GLYATL1: variants seen among roughly 807,000 people sequenced by gnomAD.
GLYATL1 encodes the protein glycine-N-acyltransferase like 1, also known as glycine N-acyltransferase-like protein 1.
GLYATL1 carries 15 observed loss-of-function variants against 20.0 expected under a neutral mutation model. That is an observed-to-expected ratio of 0.75 (90% CI 0.50 to 1.15). The LOEUF (loss-of-function observed/expected upper bound fraction) is 1.15, where lower values mean the gene tolerates loss of function less well. Among genes scored for constraint, GLYATL1 ranks in the 50% most tolerant of loss-of-function variants. The pLI, the probability that GLYATL1 is intolerant of heterozygous loss-of-function variation, is 0.00. For synonymous variants in GLYATL1, 151 were observed against 131.5 expected, an observed-to-expected ratio of 1.15 and a Z score of -1.01; for missense variants, 380 against 368.5, an observed-to-expected ratio of 1.03 and a Z score of -0.26.
At chr11:58,913,424 C>A (rs973639950), downstream of GLYATL1, among the ~76,000 whole-genome samples, 2 of 152,170 alleles carry the variant, frequency 1.3e-5, no homozygotes, top group African/African-American at 4.8e-5. Context: ...AAAACCCAAG[C>A]ACTTTAACAC....
upstream of GLYATL1, among the ~76,000 whole-genome samples, chr11:58,935,922 T>C (rs1170179389): frequency 2.0e-5 from 3 of 152,182 alleles, no homozygotes; most frequent in Admixed American, 1.3e-4. Context: ...GTATGTCAAT[T>C]ATACCTCCAT....
chr11:58,907,916 A>G (rs1442699320), exon 2 of GLYATL1: 2 of 153,176 alleles, frequency 1.3e-5, no homozygotes, highest in Admixed American at 6.5e-5. Context: ...TGAATTATGA[A>G]GTTTTCTAGT....
At chr11:58,907,360 G>C (rs758739520) in exon 2 of GLYATL1, 1 of 456,274 alleles carries the variant, frequency 2.2e-6, no homozygotes, top group South Asian at 1.5e-5. Context: ...CACTGGCCTG[G>C]AATCCCTCAC....
In GLYATL1 at chr11:58,955,662, G is replaced by A. The variant is rs1163337401; in HGVS notation, c.544G>A (p.Val182Ile). 5 of 1,614,064 alleles carry A rather than the reference G, an allele frequency of 3.1e-6. No individual in the cohort carries two copies. ...AQLDVSYSGLVNDNWKRGKNE... is the reference protein window; with the variant it reads ...AQLDVSYSGLINDNWKRGKNE... ...GCTGGATGTCTCTTATTCTGGGCTG[G>A]TAAATGACAACTGGAAGCGAGGGAA... Residue 182 changes from valine (V) to isoleucine (I), a missense_variant, in exon 7 of 7, where the codon GTA becomes ATA. Coordinates refer to ENST00000532726, the MANE Select transcript of GLYATL1 (RefSeq NM_001389712.2).
At chr11:58,937,779 T>G (rs1252949023), upstream of GLYATL1, among the ~76,000 whole-genome samples, 4 of 152,188 alleles carry the variant, frequency 2.6e-5, no homozygotes, top group African/African-American at 4.8e-5. Flanking sequence ...CTATCAGATG[T>G]CTTCCAACGA....
chr11:58,933,300 C>T (rs995111824), intron 1 of GLYATL1, among the ~76,000 whole-genome samples: 9 of 152,028 alleles, frequency 5.9e-5, no homozygotes, highest in Admixed American at 2.0e-4. Flanking sequence ...CATGAGGTGA[C>T]GGGAGAGCAT....
At chr11:58,918,712 C>T (rs138929487) in intron 1 of GLYATL1, among the ~76,000 whole-genome samples, 57 of 152,306 alleles carry the variant, frequency 3.7e-4, no homozygotes, top group Non-Finnish European at 1.0e-4. Flanking sequence ...TTTCTGGCCA[C>T]ATTTACTCAT....
At chr11:58,950,464 C>T (rs1351664187) in intron 4 of GLYATL1, among the ~76,000 whole-genome samples, 1 of 152,182 alleles carries the variant, frequency 6.6e-6, no homozygotes, top group East Asian at 1.9e-4. Flanking sequence ...GCTATTTAGT[C>T]AATCATTCTC....
intron 1 of GLYATL1, among the ~76,000 whole-genome samples, chr11:58,915,782 C>A (rs76016902): frequency 0.023 from 3,428 of 152,282 alleles, 118 homozygotes; most frequent in African/African-American, 0.078. Context: ...CCTGCTGGAA[C>A]TGGGCATCCG....
intron 4 of GLYATL1, among the ~76,000 whole-genome samples, chr11:58,948,486 C>G (rs1480700003): frequency 6.6e-6 from 1 of 151,946 alleles, no homozygotes; most frequent in East Asian, 1.9e-4. Flanking sequence ...AGAAAATAAA[C>G]AAAATTAGCA....
At chr11:58,953,393 T>C (rs938961708) in intron 4 of GLYATL1, among the ~76,000 whole-genome samples, 6 of 150,306 alleles carry the variant, frequency 4.0e-5, no homozygotes, top group Non-Finnish European at 5.9e-5. Flanking sequence ...ACAGTCTGTT[T>C]TTTTTTTTTT....
At chr11:58,955,481 C>T in intron 6 of GLYATL1, 128 bp downstream of exon 6, 1 of 1,377,568 alleles carries the variant, frequency 7.3e-7, no homozygotes, top group Non-Finnish European at 9.9e-7. Flanking sequence ...TGTCAAAGTT[C>T]AAGATCCAAA....
chr11:58,950,438 A>G (rs997331526), intron 4 of GLYATL1, among the ~76,000 whole-genome samples: 1 of 152,244 alleles, frequency 6.6e-6, no homozygotes, highest in African/African-American at 2.4e-5. Context: ...GCGGCATTTC[A>G]TAGAGTCAAT....
At chr11:58,926,734 T>C (rs1855437910), upstream of GLYATL1, among the ~76,000 whole-genome samples, 1 of 152,240 alleles carries the variant, frequency 6.6e-6, no homozygotes, top group Non-Finnish European at 1.5e-5. Flanking sequence ...GATGGCAAGC[T>C]GAAATAAATA....
chr11:58,943,906 C>T (rs1395257601), intron 2 of GLYATL1, among the ~76,000 whole-genome samples: 1 of 151,604 alleles, frequency 6.6e-6, no homozygotes, highest in Non-Finnish European at 1.5e-5. Flanking sequence ...TAAAATTTGG[C>T]TTTTGAAAAT....
At chr11:58,918,375 T>C (rs1241209025) in intron 1 of GLYATL1, among the ~76,000 whole-genome samples, 1 of 152,250 alleles carries the variant, frequency 6.6e-6, no homozygotes, top group Admixed American at 6.5e-5. Context: ...TTTCCCATTG[T>C]CATTGATTTC....
chr11:58,917,720 C>A (rs1001603618), intron 1 of GLYATL1, among the ~76,000 whole-genome samples: 1 of 152,212 alleles, frequency 6.6e-6, no homozygotes, highest in African/African-American at 2.4e-5. Context: ...CTTGAAGTTA[C>A]TAGTTACAGA....
At position 58,955,661 on chromosome 11, in the gene GLYATL1, G is replaced by A. The variant is rs1857354389; in HGVS notation, c.543G>A (p.Leu181=). The A allele has an allele frequency of 1.9e-6, 3 of 1,614,162 alleles. No homozygotes were observed. The highest frequency in any genetic ancestry group is 1.1e-5 in the South Asian group (1 of 91,082). The change falls in exon 7 of 7, where the codon CTG becomes CTA. Residue 181 remains leucine, a synonymous_variant. Transcript: ENST00000532726. ...AGCTGGATGTCTCTTATTCTGGGCT[G>A]GTAAATGACAACTGGAAGCGAGGGA... ...YAQLDVSYSG[L]VNDNWKRGKN... is the part of the protein sequence containing the mutation.
upstream of GLYATL1, among the ~76,000 whole-genome samples, chr11:58,927,276 G>A (rs1447963696): frequency 6.6e-6 from 1 of 152,198 alleles, no homozygotes; most frequent in East Asian, 1.9e-4. Context: ...GCTATTATCT[G>A]AAAAGAGGTT....
Sources: allele counts gnomAD v4.1 joint callset (sites outside exome capture counted in the v4.1 genomes callset), GRCh38; gene constraint gnomAD v4.1.1; transcripts MANE v1.5; gene names NCBI Gene and HGNC (gene_info 2026-07-23, HGNC 2026-07-21).